SLC37A3: variants seen among roughly 807,000 people sequenced by gnomAD.
SLC37A3 encodes sugar phosphate exchanger 3.
Under a neutral mutation model 67.1 loss-of-function variants are expected in SLC37A3, and 51 were observed. The ratio of observed to expected loss-of-function variants is 0.76; its 90% CI spans 0.61 to 0.96. The LOEUF (loss-of-function observed/expected upper bound fraction) is 0.96. Among genes scored for constraint, SLC37A3 ranks in the 40% least tolerant of loss-of-function variants. The pLI, the probability that SLC37A3 is intolerant of heterozygous loss-of-function variation, is 0.00. For synonymous variants in SLC37A3, 214 were observed against 231.4 expected, an observed-to-expected ratio of 0.92 and a Z score of 0.68; for missense variants, 508 against 603.0, an observed-to-expected ratio of 0.84 and a Z score of 1.65.
At chr7:140,340,444 A>G (rs769587997) in intron 13 of SLC37A3, among the ~76,000 whole-genome samples, 28 of 152,124 alleles carry the variant, frequency 1.8e-4, no homozygotes, top group Non-Finnish European at 3.4e-4. Flanking sequence ...ATTTGGCCGC[A>G]GACACAAAAG....
chr7:140,394,978 T>C (rs1397871461), intron 1 of SLC37A3, among the ~76,000 whole-genome samples: 2 of 152,006 alleles, frequency 1.3e-5, no homozygotes, highest in Non-Finnish European at 2.9e-5. Context: ...TCAGATCTAA[T>C]TCTAGATCCT....
chr7:140,365,274 G>T (rs919206934), intron 4 of SLC37A3, among the ~76,000 whole-genome samples: 7 of 152,188 alleles, frequency 4.6e-5, no homozygotes, highest in Admixed American at 6.5e-5. Flanking sequence ...ATTCAGTTAG[G>T]ACCAGGTGTT....
At chr7:140,353,522 C>T (rs886915520) in intron 7 of SLC37A3, among the ~76,000 whole-genome samples, 2 of 151,832 alleles carry the variant, frequency 1.3e-5, no homozygotes, top group African/African-American at 2.4e-5. Context: ...CTTCCTACCC[C>T]ACCTTCCCCA....
chr7:140,371,472 G>A (rs936400905), intron 3 of SLC37A3, among the ~76,000 whole-genome samples: 5 of 151,972 alleles, frequency 3.3e-5, no homozygotes, highest in South Asian at 4.2e-4. Flanking sequence ...GTGCCCGACC[G>A]AGAGCTACGT....
intron 7 of SLC37A3, among the ~76,000 whole-genome samples, chr7:140,353,169 T>A (rs540352600): frequency 1.7e-4 from 26 of 152,090 alleles, no homozygotes; most frequent in African/African-American, 6.0e-4. Context: ...ATTCACATGA[T>A]TCAAGCAACA....
At chr7:140,342,243 T>G (rs1479620012) in intron 13 of SLC37A3, among the ~76,000 whole-genome samples, 2 of 152,190 alleles carry the variant, frequency 1.3e-5, no homozygotes, top group Admixed American at 6.5e-5. Context: ...CATTAACCAC[T>G]AGCAATCAGA....
intron 1 of SLC37A3, among the ~76,000 whole-genome samples, chr7:140,387,471 C>G (rs759193600): frequency 6.7e-6 from 1 of 150,102 alleles, no homozygotes; most frequent in Non-Finnish European, 1.5e-5. Flanking sequence ...AAAAATTAGC[C>G]GGGCGTGGTG....
chr7:140,353,799 G>A (rs1040938326), intron 7 of SLC37A3, among the ~76,000 whole-genome samples: 3 of 151,612 alleles, frequency 2.0e-5, no homozygotes, highest in East Asian at 1.9e-4. Context: ...TGCAACCTCC[G>A]CCTCTTGGAT....
chr7:140,393,371 A>G (rs938840316), intron 1 of SLC37A3, among the ~76,000 whole-genome samples: 9 of 152,196 alleles, frequency 5.9e-5, no homozygotes, highest in African/African-American at 2.2e-4. Flanking sequence ...ATCTTTAGAT[A>G]TTTAACCAGG....
chr7:140,339,268 T>TG (rs1554417700), intron 13 of SLC37A3, among the ~76,000 whole-genome samples: 22 of 150,062 alleles, frequency 1.5e-4, no homozygotes, highest in South Asian at 6.3e-4. Context: ...AGTTTTGTTT[T>TG]TTTTTTTTTT....
In SLC37A3 at chr7:140,358,704, G is replaced by T. The variant is rs755234885; in HGVS notation, c.457C>A (p.Leu153Met). ...LYCCLWIVNG[L>M]LQSTGWPCVV... ...CAGGGCCAACCAGTGGACTGCAGCA[G>T]GCCGTTCACAATCCACAGGCAGCAG... The change falls in exon 6 of 15, where the codon CTG becomes ATG. Residue 153 changes from leucine (L) to methionine (M), a missense_variant. Coordinates refer to ENST00000326232, the MANE Select transcript of SLC37A3 (RefSeq NM_207113.3). The T allele has an allele frequency of 5.6e-6, 9 of 1,613,996 alleles. No individual in the cohort carries two copies. Among genetic ancestry groups the T allele is most frequent in the Non-Finnish European group, 6.8e-6 (8 of 1,180,044 alleles).
intron 4 of SLC37A3, among the ~76,000 whole-genome samples, chr7:140,364,755 G>A (rs1344543918): frequency 5.3e-5 from 8 of 151,612 alleles, no homozygotes; most frequent in Admixed American, 2.0e-4. Context: ...AAATGGCAGC[G>A]GGCACACTCT....
chr7:140,365,423 T>TAAAA (rs571885025), intron 4 of SLC37A3, among the ~76,000 whole-genome samples: 2 of 143,796 alleles, frequency 1.4e-5, no homozygotes, highest in Non-Finnish European at 3.1e-5. Flanking sequence ...AACCCATCTC[T>TAAAA]AAAAAAAAAA....
chr7:140,390,454 A>G (rs72611553), intron 1 of SLC37A3, among the ~76,000 whole-genome samples: 8,457 of 152,014 alleles, frequency 0.056, 616 homozygotes, highest in East Asian at 0.2. Context: ...CCCAACCTAC[A>G]TGCCTCAAGG....
At chr7:140,368,587 CATAATA>C (rs955713901) in intron 4 of SLC37A3, among the ~76,000 whole-genome samples, 2 of 151,562 alleles carry the variant, frequency 1.3e-5, no homozygotes, top group South Asian at 2.1e-4. Flanking sequence ...AAATTAAAAA[CATAATA>C]ATAATAATAA....
intron 5 of SLC37A3, among the ~76,000 whole-genome samples, chr7:140,360,729 G>A (rs1378640208): frequency 8.4e-5 from 5 of 59,298 alleles, no homozygotes; most frequent in Non-Finnish European, 1.0e-4. Flanking sequence ...GCAAGACTCC[G>A]TTTAAAAAAA....
chr7:140,360,591 G>A lies in SLC37A3; in HGVS notation c.376-1806C>T, dbSNP rs749905660. Among the ~76,000 whole-genome samples, 101 of 151,532 alleles carry A rather than the reference G, an allele frequency of 6.7e-4. 1 individual carries two copies. Among genetic ancestry groups the A allele is most frequent in the Admixed American group, 2.9e-3 (44 of 15,214 alleles). ...TCTACTAAAAATACAAAAATTAGCC[G>A]GGAATGGTGGTGCACACCTGTAGTC... On this transcript the variant is annotated intron_variant, in intron 5 of 14. Coordinates refer to ENST00000326232, the MANE Select transcript of SLC37A3 (RefSeq NM_207113.3).
chr7:140,353,053 C>T lies in SLC37A3; in HGVS notation c.619-907G>A, dbSNP rs117469464. Among the ~76,000 whole-genome samples the T allele has an allele frequency of 3.1e-3, 474 of 152,256 alleles. 3 individuals are homozygous for T. The highest frequency in any genetic ancestry group is 0.018 in the South Asian group (88 of 4,824). On this transcript the variant is annotated intron_variant, in intron 7 of 14. Coordinates refer to ENST00000326232, the MANE Select transcript of SLC37A3 (RefSeq NM_207113.3). ...AATGAAGGGAATGAAGGACTTCTCACTGACCCTAACTACACCAAAATTCTT... is the reference window on the plus strand; with the variant it reads ...AATGAAGGGAATGAAGGACTTCTCATTGACCCTAACTACACCAAAATTCTT...
chr7:140,345,683 C>G (rs1294007159), intron 11 of SLC37A3, among the ~76,000 whole-genome samples, 186 bp downstream of exon 11: 1 of 152,052 alleles, frequency 6.6e-6, no homozygotes, highest in East Asian at 1.9e-4. Context: ...AGTTTCCTCC[C>G]AAGACAAATA....
Sources: allele counts gnomAD v4.1 joint callset (sites outside exome capture counted in the v4.1 genomes callset), GRCh38; gene constraint gnomAD v4.1.1; transcripts MANE v1.5; gene names NCBI Gene and HGNC (gene_info 2026-07-23, HGNC 2026-07-21).